TLE3: variants seen among roughly 807,000 people sequenced by gnomAD.
TLE3 encodes the protein TLE family member 3, transcriptional corepressor.
In TLE3, 14 loss-of-function variants were observed where a neutral mutation model predicts 93.0. That is an observed-to-expected ratio of 0.15 (90% CI 0.10 to 0.24). TLE3 has a LOEUF of 0.24. TLE3 is among the 10% of genes least tolerant of loss of function. The pLI, the probability that TLE3 is intolerant of heterozygous loss-of-function variation, is 1.00. For missense variants in TLE3, 693 were observed against 1,046.6 expected, an observed-to-expected ratio of 0.66 and a Z score of 4.66; for synonymous variants, 451 against 425.0, an observed-to-expected ratio of 1.06 and a Z score of -0.75.
intron 5 of TLE3, 149 bp from the exon 6 acceptor site, chr15:70,074,756 G>A: frequency 7.6e-6 from 4 of 527,566 alleles, no homozygotes; most frequent in Non-Finnish European, 9.8e-6. Flanking sequence ...TAGGGGGGAG[G>A]GTGACAGGCG....
intron 16 of TLE3, 177 bp from the exon 17 acceptor site, chr15:70,053,551 G>A (rs1455414826): frequency 1.4e-5 from 9 of 658,600 alleles, no homozygotes; most frequent in Non-Finnish European, 1.9e-5. Flanking sequence ...CCAGTTCCAG[G>A]CCTCTTTCCA....
At position 70,058,094 on chromosome 15, in the gene TLE3, T is replaced by C; in HGVS notation, c.1051+65A>G. 6.2e-7 allele frequency: 1 copy of C among 1,610,350 alleles called. No individual in the cohort carries two copies. The highest frequency in any genetic ancestry group is 2.2e-5 in the East Asian group (1 of 44,796). On this transcript the variant is annotated intron_variant, in intron 12 of 19. Coordinates refer to ENST00000451782, the MANE Select transcript of TLE3 (RefSeq NM_001105192.3). The surrounding 1 kb of genome is among the most constrained non-coding windows in gnomAD (Gnocchi z 4.1). ...CCATGCGTGTGTGTCACCCCTGCCCTGGCCAAGAGCAGACCCCCTCCCCCC... is the reference window on the plus strand; with the variant it reads ...CCATGCGTGTGTGTCACCCCTGCCCCGGCCAAGAGCAGACCCCCTCCCCCC...
chr15:70,094,726 A>G, intron 3 of TLE3, 150 bp from the exon 4 acceptor site: 2 of 637,172 alleles, frequency 3.1e-6, no homozygotes, highest in Non-Finnish European at 2.8e-6. Context: ...GCCAGCTTAC[A>G]GAGCGGTTTA....
At chr15:70,075,927 C>T (rs1008967401) in intron 5 of TLE3, among the ~76,000 whole-genome samples, 169 bp downstream of exon 5, 1 of 152,172 alleles carries the variant, frequency 6.6e-6, no homozygotes, top group African/African-American at 2.4e-5. Flanking sequence ...CCCCTGCCTC[C>T]AGACTGGCCG....
At chr15:70,096,597 G>A (rs2142123604) in intron 1 of TLE3, 178 bp downstream of exon 1, 1 of 1,533,642 alleles carries the variant, frequency 6.5e-7, no homozygotes, top group South Asian at 1.2e-5. Flanking sequence ...CGCCACTCGC[G>A]CGGAATTAAC....
intron 3 of TLE3, chr15:70,095,358 G>A (rs1424600640): frequency 4.1e-5 from 59 of 1,434,910 alleles, no homozygotes; most frequent in Non-Finnish European, 4.5e-5. Flanking sequence ...CCTGGAATCG[G>A]GGTTTCTCTT....
rs1409058233 is a variant in TLE3 at position 70,058,760 on chromosome 15, T to C, written c.821A>G (p.Asp274Gly). The C allele has an allele frequency of 6.2e-7, 1 of 1,609,974 alleles. No homozygotes were observed. The highest frequency in any genetic ancestry group is 1.7e-5 in the Admixed American group (1 of 59,276). ...ATCTTTTTTCAGGCTACGGGCCTTG[T>C]CCAGCCCATTTTCAGGAGGGGAGTG... is the stretch of plus-strand genomic sequence containing the variant. ...PAHSPPENGL[D>G]KARSLKKDAP... The change falls in exon 11 of 20, where the codon GAC becomes GGC. Residue 274 changes from aspartate (D) to glycine (G), a missense_variant. By Grantham distance (94) the Asp-to-Gly change is moderately conservative (BLOSUM62 -1). Around this residue, in one of 4 missense-constraint regions of TLE3, gnomAD observed 405 missense variants for 468.9 expected, o/e 0.86. Transcript: ENST00000451782. The surrounding 1 kb of genome is among the most constrained non-coding windows in gnomAD (Gnocchi z 4.1).
intron 6 of TLE3, among the ~76,000 whole-genome samples, chr15:70,067,973 A>T (rs571379009): frequency 3.3e-5 from 5 of 152,292 alleles, no homozygotes; most frequent in Admixed American, 3.3e-4. Context: ...ACACAAAGCT[A>T]TGGGGGCCCC....
chr15:70,065,338 T>G (rs1320528159), intron 7 of TLE3, among the ~76,000 whole-genome samples: 3 of 152,244 alleles, frequency 2.0e-5, no homozygotes, highest in Non-Finnish European at 4.4e-5. Flanking sequence ...CCAAGCTCGG[T>G]GCAGCTTCAT....
intron 4 of TLE3, among the ~76,000 whole-genome samples, chr15:70,092,430 G>C (rs2058351789): frequency 1.3e-5 from 2 of 152,220 alleles, no homozygotes; most frequent in Admixed American, 1.3e-4. Flanking sequence ...GAGGGCAAAG[G>C]TGAGTGGCAA....
intron 7 of TLE3, 135 bp from the exon 8 acceptor site, chr15:70,064,605 G>T: frequency 8.1e-7 from 1 of 1,241,370 alleles, no homozygotes; most frequent in Non-Finnish European, 1.1e-6. Context: ...AAAATGAGCA[G>T]AAGGCCTGGA....
At chr15:70,083,083 C>T (rs891625847) in intron 4 of TLE3, among the ~76,000 whole-genome samples, 5 of 152,134 alleles carry the variant, frequency 3.3e-5, no homozygotes, top group African/African-American at 1.2e-4. Context: ...GCACTTGGGC[C>T]TCAGTTTCCG....
chr15:70,052,310 T>C, intron 18 of TLE3, 64 bp downstream of exon 18: 2 of 1,584,272 alleles, frequency 1.3e-6, no homozygotes, highest in Non-Finnish European at 1.7e-6. Flanking sequence ...TTCTGTCCTG[T>C]TGGGCCAGGC....
intron 4 of TLE3, among the ~76,000 whole-genome samples, chr15:70,088,293 G>A (rs1398127996): frequency 1.3e-5 from 2 of 152,216 alleles, no homozygotes; most frequent in Non-Finnish European, 2.9e-5. Context: ...GCCTGCAAAG[G>A]ACGATGCTTC....
chr15:70,095,610 C>G lies in TLE3; in HGVS notation c.157G>C (p.Glu53Gln). 6.4e-7 allele frequency: 1 copy of G among 1,551,622 alleles called. No homozygotes were observed. The highest frequency in any genetic ancestry group is 8.7e-7 in the Non-Finnish European group (1 of 1,146,922). The stretch of plus-strand genomic sequence containing the variant: ...TAATGGCGCTGCATCTCCGTCTTCT[C>G]GTTTGCCAGCTTGTCGTACTCCACT... ...LKVEYDKLAN[E>Q]KTEMQRHYVM... Residue 53 changes from glutamate to glutamine, a missense_variant, in exon 3 of 20, where the codon GAG becomes CAG. Around this residue, in one of 4 missense-constraint regions of TLE3, gnomAD observed 104 missense variants for 173.8 expected, o/e 0.60. Coordinates refer to ENST00000451782, the MANE Select transcript of TLE3 (RefSeq NM_001105192.3).
intron 13 of TLE3, among the ~76,000 whole-genome samples, chr15:70,056,840 C>A (rs1436940491): frequency 6.6e-6 from 1 of 152,206 alleles, no homozygotes; most frequent in Non-Finnish European, 1.5e-5. Flanking sequence ...TGGCTCACTG[C>A]AACCTCTGCC....
chr15:70,066,961 G>A (rs1408641527), intron 6 of TLE3: 6 of 334,040 alleles, frequency 1.8e-5, no homozygotes, highest in South Asian at 1.3e-4. Context: ...GAAAGCAGCA[G>A]ACCCCAGAGG....
chr15:70,094,760 CTCTCA>C, intron 3 of TLE3, 184 bp from the exon 4 acceptor site: 1 of 588,522 alleles, frequency 1.7e-6, no homozygotes, highest in South Asian at 2.3e-5. Context: ...GCGAGCGTTC[CTCTCA>C]TCTCAACAGA....
intron 4 of TLE3, 100 bp downstream of exon 4, chr15:70,094,432 G>A (rs903651882): frequency 3.0e-5 from 28 of 926,514 alleles, no homozygotes; most frequent in South Asian, 2.2e-4. Context: ...GGGAGGAATC[G>A]AAGAAGCAGG....
Sources: allele counts gnomAD v4.1 joint callset (sites outside exome capture counted in the v4.1 genomes callset), GRCh38; gene constraint gnomAD v4.1.1; regional missense constraint gnomAD v4.1.1; non-coding constraint Gnocchi (gnomAD v3.1); transcripts MANE v1.5; gene names NCBI Gene and HGNC (gene_info 2026-07-23, HGNC 2026-07-21).